Variants in WNT7A observed in about 807,000 individuals in gnomAD.
The protein encoded by WNT7A is Wnt family member 7A.
Under a neutral mutation model 28.2 loss-of-function variants are expected in WNT7A, and 16 were observed. That is an observed-to-expected ratio of 0.57 (90% CI 0.38 to 0.86). The LOEUF is 0.86. Ranked by LOEUF, WNT7A falls within the 40% of genes least tolerant of loss-of-function variation. The pLI, the probability that WNT7A is intolerant of heterozygous loss-of-function variation, is 0.00. For synonymous variants in WNT7A, 190 were observed against 195.9 expected (o/e 0.97, Z 0.25); for missense variants, 411 against 489.7 (o/e 0.84, Z 1.52).
chr3:13,852,571 G>T (rs1280991356), intron 3 of WNT7A, among the ~76,000 whole-genome samples: 1 of 152,188 alleles, frequency 6.6e-6, no homozygotes, highest in Non-Finnish European at 1.5e-5. Context: ...TCGCAAGAGG[G>T]GCTGGAACCC....
Position 13,854,504 on chromosome 3 carries a change from C to T in WNT7A, c.570+28G>A, listed in dbSNP as rs185815033. The T allele has an allele frequency of 4.6e-4, 748 of 1,613,772 alleles. 5 individuals carry two copies. The Middle Eastern group carries it at 0.014, about 30-fold the overall frequency. On this transcript the variant is annotated intron_variant, in intron 3 of 3. Coordinates refer to ENST00000285018, the MANE Select transcript of WNT7A (RefSeq NM_004625.4). ...CATTTTGCAGCATCTCCGCGAGCGC[C>T]GCCCAGCTGCCCTCCCTGGCTTCCT...
chr3:13,825,324 CTG>C (rs1343696716), intron 3 of WNT7A, among the ~76,000 whole-genome samples: 1 of 152,194 alleles, frequency 6.6e-6, no homozygotes, highest in African/African-American at 2.4e-5. Context: ...CATGGCTGGC[CTG>C]TGCTGTTAGA....
chr3:13,860,500 G>A (rs1694811396), intron 2 of WNT7A, among the ~76,000 whole-genome samples: 1 of 152,226 alleles, frequency 6.6e-6, no homozygotes, highest in Non-Finnish European at 1.5e-5. Context: ...TTGCTGAGCT[G>A]AGAACAGGGT....
At chr3:13,835,829 C>T (rs73017597) in intron 3 of WNT7A, among the ~76,000 whole-genome samples, 23,746 of 152,232 alleles carry the variant, frequency 0.16, 2,043 homozygotes, top group South Asian at 0.36. Context: ...TACAATGAAA[C>T]GTTATTCAGC....
chr3:13,833,042 C>T (rs1694306514), intron 3 of WNT7A, among the ~76,000 whole-genome samples: 1 of 152,068 alleles, frequency 6.6e-6, no homozygotes, highest in African/African-American at 2.4e-5. Context: ...CACACAGCCC[C>T]TCACCCCAGA....
At chr3:13,837,654 C>T (rs2124842259) in intron 3 of WNT7A, among the ~76,000 whole-genome samples, 2 of 152,290 alleles carry the variant, frequency 1.3e-5, no homozygotes, top group South Asian at 4.1e-4. Flanking sequence ...CACAGAAGAT[C>T]AAGGCTGAAG....
chr3:13,836,819 T>A (rs545042128), intron 3 of WNT7A, among the ~76,000 whole-genome samples: 4 of 152,084 alleles, frequency 2.6e-5, no homozygotes, highest in Admixed American at 2.6e-4. Flanking sequence ...GAGGGAAGGG[T>A]ATCACCTGTG....
intron 1 of WNT7A, among the ~76,000 whole-genome samples, chr3:13,878,557 G>T (rs1166730466): frequency 6.6e-6 from 1 of 152,114 alleles, no homozygotes; most frequent in Non-Finnish European, 1.5e-5. Context: ...GGCTCTGCAC[G>T]CACCTGCTAG....
At chr3:13,851,013 G>A (rs373662947) in intron 3 of WNT7A, among the ~76,000 whole-genome samples, 2 of 152,100 alleles carry the variant, frequency 1.3e-5, no homozygotes, top group South Asian at 2.1e-4. Flanking sequence ...CTCCCATCGG[G>A]CAATCCTACA....
intron 3 of WNT7A, among the ~76,000 whole-genome samples, chr3:13,822,918 C>T (rs1320545750): frequency 2.0e-5 from 3 of 152,164 alleles, no homozygotes; most frequent in Non-Finnish European, 4.4e-5. Flanking sequence ...TCCTTCTGCC[C>T]CTCTTGGTCC....
At chr3:13,843,311 G>A (rs1036013840) in intron 3 of WNT7A, among the ~76,000 whole-genome samples, 5 of 152,282 alleles carry the variant, frequency 3.3e-5, no homozygotes, top group South Asian at 2.1e-4. Flanking sequence ...GCCTGAGAGC[G>A]TAGGACGAGG....
At chr3:13,819,497 C>A in intron 3 of WNT7A, 74 bp from the exon 4 acceptor site, 6 of 1,518,550 alleles carry the variant, frequency 4.0e-6, no homozygotes, top group South Asian at 1.2e-5. Context: ...CCAGCTCCCC[C>A]CCGCCCCCCA....
chr3:13,867,027 C>G (rs1042425313), intron 2 of WNT7A, among the ~76,000 whole-genome samples: 1 of 152,094 alleles, frequency 6.6e-6, no homozygotes, highest in African/African-American at 2.4e-5. Flanking sequence ...CTAAGAAAAT[C>G]TAGAGCATGG....
rs1313679833 is a variant in WNT7A, at chr3:13,851,766, C to G, written c.570+2766G>C. Reference sequence around the variant, plus strand: ...TTTCAGCACAATGCTTCTGACTCTTCCCTTCCTCCCAACTGAGGAGCCTAT... The same window carrying G: ...TTTCAGCACAATGCTTCTGACTCTTGCCTTCCTCCCAACTGAGGAGCCTAT... On this transcript the variant is annotated intron_variant, in intron 3 of 3. Transcript: ENST00000285018. 2.6e-5 allele frequency among the ~76,000 whole-genome samples: 4 copies of G among 152,360 alleles called. No individual in the cohort carries two copies. The South Asian group carries it at 6.2e-4, about 24-fold the overall frequency.
At chr3:13,853,909 A>C (rs536264265) in intron 3 of WNT7A, among the ~76,000 whole-genome samples, 2 of 152,244 alleles carry the variant, frequency 1.3e-5, no homozygotes, top group Admixed American at 6.5e-5. Context: ...GGAGCCTGGG[A>C]CCTGGGACCT....
chr3:13,832,240 CCCT>C (rs1248987028), intron 3 of WNT7A, among the ~76,000 whole-genome samples: 1 of 145,154 alleles, frequency 6.9e-6, no homozygotes, highest in African/African-American at 2.6e-5. Context: ...CTCCTTCTCC[CCCT>C]CCTCCTCCTC....
rs1366467354 is a variant in WNT7A, at chr3:13,868,595, A to G, written c.298+6352T>C. Among the ~76,000 whole-genome samples, 51 of 12,434 alleles carry G rather than the reference A, an allele frequency of 4.1e-3. 1 individual carries two copies. Among genetic ancestry groups the G allele is most frequent in the African/African-American group, 6.9e-3 (22 of 3,178 alleles). The allele number at this position is 12,434 out of a possible 152,430, so 8.2% of individuals were successfully genotyped here. A position where few individuals can be genotyped will look rare whatever the true frequency, so the allele number is the denominator to read the frequency against. ...GAGAGAGAGAGAGAGAGAGAGGGAG[A>G]AAGAAAGAAAGAAAGAGAGAGAGAG... On this transcript the variant is annotated intron_variant, in intron 2 of 3. Coordinates refer to ENST00000285018, the MANE Select transcript of WNT7A (RefSeq NM_004625.4).
At chr3:13,850,103 C>T (rs774286642) in intron 3 of WNT7A, among the ~76,000 whole-genome samples, 4 of 152,256 alleles carry the variant, frequency 2.6e-5, no homozygotes, top group Non-Finnish European at 4.4e-5. Flanking sequence ...GGCTGCAAGC[C>T]TTTCCATTCG....
chr3:13,827,279 C>T (rs62234561), intron 3 of WNT7A, among the ~76,000 whole-genome samples: 48,725 of 152,150 alleles, frequency 0.32, 7,865 homozygotes, highest in Middle Eastern at 0.4. Context: ...CAGCTGGGGT[C>T]TGTAAAGGGG....
Sources: gnomAD v4.1 joint callset for allele counts (sites outside exome capture counted in the v4.1 genomes callset) on GRCh38, gnomAD v4.1.1 for gene constraint, MANE v1.5 for transcripts, NCBI Gene and HGNC (gene_info 2026-07-23, HGNC 2026-07-21) for gene names.